ITCH: variants seen among roughly 807,000 people sequenced by gnomAD.
ITCH encodes E3 ubiquitin-protein ligase Itchy homolog.
Under a neutral mutation model 126.8 loss-of-function variants are expected in ITCH, and 28 were observed. The ratio of observed to expected loss-of-function variants is 0.22; its 90% confidence interval spans 0.16 to 0.30. The LOEUF is 0.30. Ranked by LOEUF, ITCH falls within the 10% of genes least tolerant of loss-of-function variation. ITCH has a pLI of 1.00. For synonymous variants in ITCH, 342 were observed against 340.0 expected, an observed-to-expected ratio of 1.01 and a Z score of -0.06; for missense variants, 631 against 1,032.4, an observed-to-expected ratio of 0.61 and a Z score of 5.33.
intron 1 of ITCH, 142 bp from the exon 2 acceptor site, chr20:34,369,252 G>C: frequency 2.7e-6 from 1 of 369,150 alleles, no homozygotes; most frequent in East Asian, 3.9e-5. Flanking sequence ...AGAATCGCTT[G>C]AACCCAGGAG....
At chr20:34,386,146 G>A (rs949754546) in intron 2 of ITCH, among the ~76,000 whole-genome samples, 3 of 149,386 alleles carry the variant, frequency 2.0e-5, no homozygotes, top group East Asian at 2.0e-4. Flanking sequence ...TTGATCTCTC[G>A]TCCAGGCTGT....
chr20:34,411,464 T>G (rs1256198478), intron 4 of ITCH, among the ~76,000 whole-genome samples: 1 of 152,188 alleles, frequency 6.6e-6, no homozygotes, highest in Non-Finnish European at 1.5e-5. Context: ...GAGAAATATT[T>G]TCCTAATACA....
intron 6 of ITCH, among the ~76,000 whole-genome samples, chr20:34,414,965 G>A (rs974277545): frequency 5.3e-5 from 8 of 152,168 alleles, no homozygotes; most frequent in African/African-American, 1.7e-4. Flanking sequence ...ATAAACTGTG[G>A]TGGCACCTGA....
chr20:34,388,979 C>G (rs1315461536), intron 2 of ITCH, among the ~76,000 whole-genome samples: 1 of 151,962 alleles, frequency 6.6e-6, no homozygotes, highest in African/African-American at 2.4e-5. Context: ...CTAAGAGAGA[C>G]CCATAATATA....
rs74979304 is a variant in ITCH at position 34,376,027 on chromosome 20, T to C, written c.-22+6557T>C. Among the ~76,000 whole-genome samples, 527 of 152,172 alleles carry C rather than the reference T, an allele frequency of 3.5e-3. 2 individuals are homozygous for C. The highest frequency in any genetic ancestry group is 0.011 in the African/African-American group (450 of 41,518). ...TAAGGAGAAGCTAGAAATCAAGATT[T>C]TGTAAGAAATTTTTATTGTTAAATG... On this transcript the variant is annotated intron_variant, in intron 2 of 24. Coordinates refer to ENST00000374864, the MANE Select transcript of ITCH (RefSeq NM_031483.7).
intron 7 of ITCH, among the ~76,000 whole-genome samples, chr20:34,434,377 A>G (rs1982735512): frequency 6.6e-6 from 1 of 152,194 alleles, no homozygotes; most frequent in Admixed American, 6.5e-5. Flanking sequence ...GGAAAGGGGA[A>G]TGGGAAGACA....
At chr20:34,408,885 TG>T in intron 4 of ITCH, 93 bp downstream of exon 4, 15 of 1,288,182 alleles carry the variant, frequency 1.2e-5, no homozygotes, top group Non-Finnish European at 1.4e-5. Context: ...GGTTTTTTGT[TG>T]TTGTTGTTCC....
intron 11 of ITCH, 113 bp downstream of exon 11, chr20:34,445,574 G>T: frequency 2.1e-6 from 2 of 934,732 alleles, no homozygotes; most frequent in Non-Finnish European, 3.4e-6. Context: ...CAACCCAGTT[G>T]TTGCTGTTAG....
chr20:34,412,759 A>G, intron 5 of ITCH, 120 bp downstream of exon 5: 1 of 798,222 alleles, frequency 1.3e-6, no homozygotes. Flanking sequence ...ACTTGGTTAT[A>G]GGATGAACAG....
At chr20:34,460,069 A>G (rs1045616986) in intron 13 of ITCH, among the ~76,000 whole-genome samples, 6 of 152,202 alleles carry the variant, frequency 3.9e-5, no homozygotes, top group African/African-American at 1.4e-4. Flanking sequence ...TTTCAAGACA[A>G]CAACTTGTTA....
chr20:34,482,397 A>G (rs952933579), intron 20 of ITCH, among the ~76,000 whole-genome samples: 5 of 152,226 alleles, frequency 3.3e-5, no homozygotes, highest in Non-Finnish European at 7.3e-5. Context: ...GTTACTTCCT[A>G]CATACACTCA....
chr20:34,411,725 T>C (rs1258958188), intron 4 of ITCH, among the ~76,000 whole-genome samples: 5 of 152,240 alleles, frequency 3.3e-5, no homozygotes, highest in Non-Finnish European at 2.9e-5. Context: ...AATTTGTCTT[T>C]ATATCATTGA....
intron 24 of ITCH, among the ~76,000 whole-genome samples, chr20:34,507,263 G>GTTTTTTTTTTTTTTTTTTTTTTTTTTT (rs776161631): frequency 7.7e-5 from 3 of 39,162 alleles, no homozygotes; most frequent in Non-Finnish European, 1.5e-4. Context: ...GTTTTCTTCT[G>GTTTTTTTTTTTTTTTTTTTTTTTTTTT]TTTTTTTTTT....
chr20:34,454,607 A>G (rs1363324663), intron 12 of ITCH: 1 of 152,152 alleles, frequency 6.6e-6, no homozygotes, highest in African/African-American at 2.4e-5. Flanking sequence ...GTAGCTTTAA[A>G]TGTCAGAAGC....
chr20:34,422,858 G>T (rs1046970287), intron 6 of ITCH, among the ~76,000 whole-genome samples: 28 of 151,742 alleles, frequency 1.8e-4, no homozygotes, highest in African/African-American at 6.5e-4. Context: ...GCAGTGGTGT[G>T]ATCTCTGCTC....
intron 20 of ITCH, among the ~76,000 whole-genome samples, chr20:34,487,638 A>G (rs551847630): frequency 3.9e-5 from 6 of 152,240 alleles, no homozygotes; most frequent in African/African-American, 1.4e-4. Flanking sequence ...TACTTCTTGT[A>G]CAATATAAGA....
chr20:34,471,304 CATT>C (rs1987599177), intron 15 of ITCH, 137 bp from the exon 16 acceptor site: 4 of 668,938 alleles, frequency 6.0e-6, no homozygotes, highest in Non-Finnish European at 2.7e-6. Context: ...CATTGGTAAA[CATT>C]ATTGAATATA....
intron 16 of ITCH, chr20:34,475,849 G>A (rs1988166071): frequency 1.2e-6 from 1 of 800,146 alleles, no homozygotes; most frequent in Non-Finnish European, 2.1e-6. Context: ...ACTCATCCAT[G>A]TACTCATTTT....
chr20:34,364,240 G>A (rs2037320782), intron 1 of ITCH, among the ~76,000 whole-genome samples: 1 of 152,030 alleles, frequency 6.6e-6, no homozygotes, highest in Admixed American at 6.6e-5. Flanking sequence ...CAATAACAAC[G>A]CAACCTTGTT....
Sources: gnomAD v4.1 joint callset for allele counts (sites outside exome capture counted in the v4.1 genomes callset) on GRCh38, gnomAD v4.1.1 for gene constraint, MANE v1.5 for transcripts, NCBI Gene and HGNC (gene_info 2026-07-23, HGNC 2026-07-21) for gene names.